Variants in TTC7B observed in about 807,000 individuals in gnomAD.
The protein encoded by TTC7B is tetratricopeptide repeat protein 7B.
TTC7B carries 28 observed loss-of-function variants against 106.8 expected under a neutral mutation model. That is an observed-to-expected ratio of 0.26 (90% CI 0.19 to 0.36). The LOEUF is 0.36. Among genes scored for constraint, TTC7B ranks in the 10% least tolerant of loss-of-function variants. TTC7B has a pLI of 1.00. For synonymous variants in TTC7B, 405 were observed against 430.6 expected (o/e 0.94, Z 0.74); for missense variants, 862 against 1,076.4 (o/e 0.80, Z 2.79).
chr14:90,639,762 C>T (rs1885091373), intron 15 of TTC7B, among the ~76,000 whole-genome samples: 1 of 152,142 alleles, frequency 6.6e-6, no homozygotes, highest in East Asian at 1.9e-4. Flanking sequence ...AACCTGAAAA[C>T]AACCCACGTA....
At chr14:90,647,163 T>C (rs571639592) in intron 13 of TTC7B, 140 bp from the exon 14 acceptor site, 1 of 696,186 alleles carries the variant, frequency 1.4e-6, no homozygotes, top group South Asian at 1.7e-5. Flanking sequence ...ATTTAAACTC[T>C]TCTTCTTTGT....
At position 90,660,921 on chromosome 14, in the gene TTC7B, G is replaced by A. The variant is rs552099078; in HGVS notation, c.1153-2534C>T. Among the ~76,000 whole-genome samples, 26 of 152,374 alleles carry A rather than the reference G, an allele frequency of 1.7e-4. No individual in the cohort carries two copies. In the South Asian group the frequency reaches 3.3e-3, roughly 19 times the overall value. On this transcript the variant is annotated intron_variant, in intron 9 of 19. Transcript: ENST00000328459. ...CGAAGACCTTGAGCAAGGTGAGCACGGGCAATGTGTTCAGCTCAGGGCTGG... is the reference window on the plus strand; with the variant it reads ...CGAAGACCTTGAGCAAGGTGAGCACAGGCAATGTGTTCAGCTCAGGGCTGG...
intron 15 of TTC7B, among the ~76,000 whole-genome samples, chr14:90,618,635 C>G (rs1215629970): frequency 6.6e-6 from 1 of 152,222 alleles, no homozygotes; most frequent in East Asian, 1.9e-4. Flanking sequence ...TTGTTACCAT[C>G]AACTACTCCA....
chr14:90,742,165 C>G lies in TTC7B; in HGVS notation c.576+2627G>C, dbSNP rs902587525. Among the ~76,000 whole-genome samples, 1 of 152,144 alleles carries G rather than the reference C, an allele frequency of 6.6e-6. No individual in the cohort carries two copies. Among genetic ancestry groups the G allele is most frequent in the African/African-American group, 2.4e-5 (1 of 41,436 alleles). ...AAGCAATCCTCCCACCTAAGCCTCC[C>G]AAGTAGCTGGGACTACAGGCACTTG... On this transcript the variant is annotated intron_variant, in intron 4 of 19. Transcript: ENST00000328459. This position sits in a 1 kb window ranked among gnomAD's most constrained non-coding sequence, Gnocchi z 4.1.
At chr14:90,556,050 C>A (rs1016672543) in intron 19 of TTC7B, among the ~76,000 whole-genome samples, 3 of 152,258 alleles carry the variant, frequency 2.0e-5, no homozygotes, top group Admixed American at 1.3e-4. Context: ...AGCGCAAGCA[C>A]CTCCGGCGCG....
chr14:90,655,160 C>G (rs748596754), intron 11 of TTC7B, 50 bp from the exon 12 acceptor site: 1 of 1,408,938 alleles, frequency 7.1e-7, no homozygotes, highest in South Asian at 1.1e-5. Flanking sequence ...GAATTTCTAA[C>G]ATGAGTTCCC....
intron 1 of TTC7B, among the ~76,000 whole-genome samples, chr14:90,814,552 C>A (rs1053656960): frequency 2.0e-5 from 3 of 152,124 alleles, no homozygotes; most frequent in Non-Finnish European, 2.9e-5. Context: ...GCAAAGACAG[C>A]AGGAAACAAG....
At chr14:90,569,689 T>G (rs1890947768) in intron 19 of TTC7B, 1 of 152,314 alleles carries the variant, frequency 6.6e-6, no homozygotes, top group Non-Finnish European at 1.5e-5. Flanking sequence ...GACCAGGCCT[T>G]GGAGTCCTGT....
intron 1 of TTC7B, 34 bp downstream of exon 1, chr14:90,816,141 C>T: frequency 1.8e-6 from 2 of 1,105,046 alleles, no homozygotes; most frequent in Non-Finnish European, 2.3e-6. Context: ...CCGCGGCGCC[C>T]CCCGCAGCCC....
chr14:90,645,006 A>G (rs573251137), intron 14 of TTC7B: 5 of 152,218 alleles, frequency 3.3e-5, no homozygotes, highest in Non-Finnish European at 7.3e-5. Context: ...TGGGTATGTG[A>G]CACCCTGGAT....
At chr14:90,692,034 A>C (rs1037029387) in intron 6 of TTC7B, among the ~76,000 whole-genome samples, 1 of 152,202 alleles carries the variant, frequency 6.6e-6, no homozygotes, top group Admixed American at 6.5e-5. Context: ...ATCATCGTGT[A>C]TGTATCAGTA....
rs184324806 is a variant in TTC7B at position 90,741,824 on chromosome 14, G to T, written c.576+2968C>A. Among the ~76,000 whole-genome samples the T allele has an allele frequency of 1.5e-3, 223 of 152,258 alleles. 1 individual carries two copies. Among genetic ancestry groups the T allele is most frequent in the African/African-American group, 5.2e-3 (218 of 41,554 alleles). ...GCTTAATCAACAGTTAGTTTCTTGA[G>T]TACTTACTACAGTCAAAACAGATGT... On this transcript the variant is annotated intron_variant, in intron 4 of 19. Transcript: ENST00000328459.
chr14:90,606,872 A>G (rs1475698232), intron 17 of TTC7B, among the ~76,000 whole-genome samples: 1 of 152,218 alleles, frequency 6.6e-6, no homozygotes, highest in Non-Finnish European at 1.5e-5. Context: ...ATTCCAGTTA[A>G]CCAACCACTT....
At chr14:90,597,882 T>A (rs184448012) in intron 17 of TTC7B, among the ~76,000 whole-genome samples, 179 of 152,264 alleles carry the variant, frequency 1.2e-3, no homozygotes, top group African/African-American at 4.2e-3. Flanking sequence ...ACTATTAACT[T>A]AAGGTGGAAA....
chr14:90,552,029 C>A (rs577473648), intron 19 of TTC7B, among the ~76,000 whole-genome samples: 18 of 152,368 alleles, frequency 1.2e-4, no homozygotes, highest in African/African-American at 4.1e-4. Context: ...AGAAATGGCA[C>A]CAGTTTGCCA....
chr14:90,541,172 T>C lies in TTC7B; in HGVS notation c.*196A>G, dbSNP rs1321668406. On this transcript the variant is annotated 3_prime_UTR_variant, in exon 20 of 20. Coordinates refer to ENST00000328459, the MANE Select transcript of TTC7B (RefSeq NM_001010854.2). ...ATAGGTTCAGAAACTACCATTGGGCTGGCAAAAAAAACAAGAGAAACGCAC... is the reference window on the plus strand; with the variant it reads ...ATAGGTTCAGAAACTACCATTGGGCCGGCAAAAAAAACAAGAGAAACGCAC... The C allele has an allele frequency of 2.0e-6, 1 of 490,976 alleles. No homozygotes were observed. The highest frequency in any genetic ancestry group is 3.0e-5 in the East Asian group (1 of 33,486). 30.4% of individuals were successfully genotyped at this position (490,976 alleles called of 1,614,324 possible). A position where few individuals can be genotyped will look rare whatever the true frequency, so the allele number is the denominator to read the frequency against.
Position 90,657,500 on chromosome 14 carries a change from C to A in TTC7B, c.1237-222G>T. 2.3e-6 allele frequency: 1 copy of A among 437,952 alleles called. No individual in the cohort carries two copies. 27.1% of individuals were successfully genotyped at this position (437,952 alleles called of 1,614,324 possible). ...AAAGCCAGCAGGAATGCTTCTCTGGCGCCACCTGAATTTCATTCCATACTT... is the reference window on the plus strand; with the variant it reads ...AAAGCCAGCAGGAATGCTTCTCTGGAGCCACCTGAATTTCATTCCATACTT... On this transcript the variant is annotated intron_variant, in intron 10 of 19. Coordinates refer to ENST00000328459, the MANE Select transcript of TTC7B (RefSeq NM_001010854.2). The surrounding 1 kb of genome is among the most constrained non-coding windows in gnomAD (Gnocchi z 4.2).
intron 9 of TTC7B, among the ~76,000 whole-genome samples, chr14:90,667,206 T>G (rs1397087709): frequency 1.3e-5 from 2 of 152,116 alleles, no homozygotes; most frequent in Non-Finnish European, 2.9e-5. Flanking sequence ...ACGTACAAAA[T>G]AGTTGCATGG....
chr14:90,733,783 G>A (rs937372425), intron 4 of TTC7B, among the ~76,000 whole-genome samples: 1 of 152,122 alleles, frequency 6.6e-6, no homozygotes, highest in Admixed American at 6.6e-5. Context: ...CACCATTCGC[G>A]GACTTAGGAC....
Sources: gnomAD v4.1 joint callset for allele counts (sites outside exome capture counted in the v4.1 genomes callset) on GRCh38, gnomAD v4.1.1 for gene constraint, Gnocchi (gnomAD v3.1) non-coding constraint, MANE v1.5 for transcripts, NCBI Gene and HGNC (gene_info 2026-07-23, HGNC 2026-07-21) for gene names.